Variants in ZNF518B observed in about 807,000 individuals in gnomAD.
ZNF518B encodes the protein zinc finger protein 518B.
Under a neutral mutation model 56.3 loss-of-function variants are expected in ZNF518B, and 23 were observed. The observed-to-expected ratio is 0.41, with a 90% CI of 0.29 to 0.58. The LOEUF (loss-of-function observed/expected upper bound fraction) is 0.58, where lower values mean the gene tolerates loss of function less well. Among genes scored for constraint, ZNF518B ranks in the 20% least tolerant of loss-of-function variants. The pLI is 0.32. For missense variants in ZNF518B, 1,460 were observed against 1,272.1 expected, an observed-to-expected ratio of 1.15 and a Z score of -2.25; for synonymous variants, 529 against 465.9, an observed-to-expected ratio of 1.14 and a Z score of -1.74.
rs930859543 is a variant in ZNF518B, at chr4:10,442,954, C to T, written c.*150G>A. On this transcript the variant is annotated 3_prime_UTR_variant, in exon 3 of 3. Transcript: ENST00000326756. ...GGGGTCCAATCACATACTTCAGGTT[C>T]AGACTCCTAGCTCCCAATATTCCTA... is the stretch of plus-strand genomic sequence containing the variant. The T allele has an allele frequency of 3.6e-5, 25 of 699,998 alleles. No individual in the cohort carries two copies. In the Middle Eastern group the frequency reaches 1.2e-3, roughly 34 times the overall value. 43.4% of individuals were successfully genotyped at this position (699,998 alleles called of 1,614,324 possible).
upstream of ZNF518B, among the ~76,000 whole-genome samples, chr4:10,461,283 G>A (rs1715733494): frequency 6.6e-6 from 1 of 152,256 alleles, no homozygotes. Flanking sequence ...GCCCTGCGGC[G>A]CAGGCCCACT....
chr4:10,443,976 C>G lies in ZNF518B; in HGVS notation c.2353G>C (p.Glu785Gln), dbSNP rs956359052. The part of the protein sequence containing the change: ...GAVLRVLNSS[E>Q]NAHIIEATCE... ...GTAGCCTCTATGATGTGGGCATTCT[C>G]AGAGGAATTAAGAACCCTCAACACA... is the stretch of plus-strand genomic sequence containing the variant. The change falls in exon 3 of 3, where the codon GAG becomes CAG. Residue 785 changes from glutamate (E) to glutamine (Q), a missense_variant. Transcript: ENST00000326756. The G allele has an allele frequency of 6.2e-7, 1 of 1,614,070 alleles. No homozygotes were observed. The highest frequency in any genetic ancestry group is 1.7e-5 in the Admixed American group (1 of 60,002).
Position 10,444,266 on chromosome 4 carries a change from T to G in ZNF518B, c.2063A>C (p.His688Pro), listed in dbSNP as rs1243615543. 1.9e-6 allele frequency: 3 copies of G among 1,614,092 alleles called. No individual in the cohort carries two copies. Among genetic ancestry groups the G allele is most frequent in the South Asian group, 2.2e-5 (2 of 91,084 alleles). ...KPSSLASNSA[H>P]RRSVGQASKG... Reference sequence around the variant, plus strand: ...TGATGCCTGCCCTACAGAGCGACGATGTGCACTATTTGAAGCCAAAGATGA... The same window carrying G: ...TGATGCCTGCCCTACAGAGCGACGAGGTGCACTATTTGAAGCCAAAGATGA... Residue 688 changes from histidine to proline, a missense_variant, in exon 3 of 3, where the codon CAT becomes CCT. By Grantham distance (77) the His-to-Pro change is moderately conservative. Coordinates refer to ENST00000326756, the MANE Select transcript of ZNF518B (RefSeq NM_053042.3).
Position 10,443,495 on chromosome 4 carries a change from A to C in ZNF518B, c.2834T>G (p.Val945Gly). ...CGAGTCCACATCAGGGTGGTTTAAC[A>C]CAATGACTGGCTGGTTCCGACGGGG... is the stretch of plus-strand genomic sequence containing the variant. ...KCPRRNQPVI[V>G]LNHPDVDSPE... Residue 945 changes from valine to glycine, a missense_variant, in exon 3 of 3, where the codon GTG becomes GGG. By Grantham distance (109) the Val-to-Gly change is moderately radical. Transcript: ENST00000326756. 1 of 1,614,038 alleles carries C rather than the reference A, an allele frequency of 6.2e-7. No individual in the cohort carries two copies. Among genetic ancestry groups the C allele is most frequent in the Non-Finnish European group, 8.5e-7 (1 of 1,179,842 alleles).
Position 10,443,588 on chromosome 4 carries a change from G to A in ZNF518B, c.2741C>T (p.Pro914Leu). 1 of 1,614,132 alleles carries A rather than the reference G, an allele frequency of 6.2e-7. No individual in the cohort carries two copies. The highest frequency in any genetic ancestry group is 1.1e-5 in the South Asian group (1 of 91,078). ...TTGCCTTGCAACCTGAAAAATTGAA[G>A]GATCCTTGAGACAGCGGCTAGGTTC... is the stretch of plus-strand genomic sequence containing the variant. Reference protein sequence around the residue: ...QAEPSRCLKDPSIFQVARQLR... With the variant: ...QAEPSRCLKDLSIFQVARQLR... The change falls in exon 3 of 3, where the codon CCT (proline) becomes CTT (leucine). Residue 914 changes from proline (P) to leucine (L), a missense_variant. Pro to Leu is a moderately conservative substitution (Grantham distance 98). Transcript: ENST00000326756.
In ZNF518B at chr4:10,443,838, C is replaced by T; in HGVS notation, c.2491G>A (p.Gly831Arg). 1 of 1,614,168 alleles carries T rather than the reference C, an allele frequency of 6.2e-7. No individual in the cohort carries two copies. Among genetic ancestry groups the T allele is most frequent in the African/African-American group, 1.3e-5 (1 of 75,036 alleles). ...SDLQPLRSER[G>R]PIDMSPNIET... is the part of the protein sequence containing the mutation. The stretch of plus-strand genomic sequence containing the variant: ...ATATTTGGGGACATATCTATTGGCC[C>T]CCTTTCACTTCTTAAAGGCTGTAAG... Residue 831 changes from glycine to arginine, a missense_variant, in exon 3 of 3, where the codon GGG becomes AGG. Coordinates refer to ENST00000326756, the MANE Select transcript of ZNF518B (RefSeq NM_053042.3).
chr4:10,446,306 A>C lies in ZNF518B; in HGVS notation c.23T>G (p.Leu8Arg). Residue 8 changes from leucine to arginine, a missense_variant, in exon 3 of 3, where the codon CTA becomes CGA. By Grantham distance (102) the Leu-to-Arg change is moderately radical. Transcript: ENST00000326756. ...TCCGCCGTTCAAGTGTGTAGTGTAT[A>C]GCTGCTGTCCAATATCCTTCATCTT... MKDIGQQ[L>R]YTTHLNGGHN... 6.2e-7 allele frequency: 1 copy of C among 1,613,164 alleles called. No homozygotes were observed. Among genetic ancestry groups the C allele is most frequent in the Non-Finnish European group, 8.5e-7 (1 of 1,179,174 alleles).
rs758322074 is a variant in ZNF518B at position 10,445,880 on chromosome 4, T to C, written c.449A>G (p.Tyr150Cys). Residue 150 changes from tyrosine to cysteine, a missense_variant, in exon 3 of 3, where the codon TAC becomes TGC. Tyr to Cys is a radical substitution (Grantham distance 194). Transcript: ENST00000326756. ...CTCGTGTTGAAGGGTGTGCTTTTTG[T>C]ACTGCAGCGGGTCCTTTGTAGAGAA... The part of the protein sequence containing the change: ...CRFSTKDPLQ[Y>C]KKHTLQHEEI... The C allele has an allele frequency of 1.2e-6, 2 of 1,614,278 alleles. No homozygotes were observed. The highest frequency in any genetic ancestry group is 1.7e-6 in the Non-Finnish European group (2 of 1,180,050).
At position 10,443,514 on chromosome 4, in the gene ZNF518B, G is replaced by T. The variant is rs1009875795; in HGVS notation, c.2815C>A (p.Arg939=). Residue 939 remains arginine (R), a synonymous_variant, in exon 3 of 3, where the codon CGG becomes AGG. Transcript: ENST00000326756. ...KPDQLIKCPR[R]NQPVIVLNHP... ...TTTAACACAATGACTGGCTGGTTCC[G>T]ACGGGGACACTTAATCAACTGATCT... The T allele has an allele frequency of 1.9e-6, 3 of 1,613,884 alleles. No individual in the cohort carries two copies. The highest frequency in any genetic ancestry group is 2.5e-6 in the Non-Finnish European group (3 of 1,179,774).
At position 10,444,966 on chromosome 4, in the gene ZNF518B, T is replaced by G; in HGVS notation, c.1363A>C (p.Ile455Leu). Residue 455 changes from isoleucine (I) to leucine (L), a missense_variant, in exon 3 of 3, where the codon ATT becomes CTT. Physicochemically the swap from Ile to Leu is conservative, Grantham distance 5. Coordinates refer to ENST00000326756, the MANE Select transcript of ZNF518B (RefSeq NM_053042.3). ...AAATCCTCAATTGTTTCCGAATTAA[T>G]GAAGGATTTTCCATTGTTGTGCACA... ...SSVHNNGKSF[I>L]NSETIEDFQK... 6.2e-7 allele frequency: 1 copy of G among 1,612,698 alleles called. No homozygotes were observed. The highest frequency in any genetic ancestry group is 1.3e-5 in the African/African-American group (1 of 74,892).
At chr4:10,449,898 G>C (rs1407586800) in intron 2 of ZNF518B, among the ~76,000 whole-genome samples, 1 of 152,178 alleles carries the variant, frequency 6.6e-6, no homozygotes, top group African/African-American at 2.4e-5. Flanking sequence ...CAGCCCCCAG[G>C]AGTCTTCAAA....
Position 10,444,700 on chromosome 4 carries a change from C to T in ZNF518B, c.1629G>A (p.Lys543=). Residue 543 remains lysine (K), a synonymous_variant, in exon 3 of 3, where the codon AAG becomes AAA. Transcript: ENST00000326756. ...CATTTTCACTTACAGGCAATAAGCC[C>T]TTTTCTCCAGAGAAGGAACAGGTTG... The part of the protein sequence containing the change: ...SPATCSFSGE[K]GLLPVSENDL... 1 of 1,614,126 alleles carries T rather than the reference C, an allele frequency of 6.2e-7. No homozygotes were observed. Among genetic ancestry groups the T allele is most frequent in the South Asian group, 1.1e-5 (1 of 91,078 alleles).
intron 2 of ZNF518B, among the ~76,000 whole-genome samples, chr4:10,449,317 C>G (rs1029535143): frequency 2.0e-5 from 3 of 152,140 alleles, no homozygotes; most frequent in Non-Finnish European, 4.4e-5. Context: ...CTTGTAAAGG[C>G]ACCCTAGGTA....
Position 10,445,612 on chromosome 4 carries a change from G to A in ZNF518B, c.717C>T (p.Asn239=). ...EPKRTGTSKQ[N]PELLKASNPR... is the part of the protein sequence containing the mutation. The stretch of plus-strand genomic sequence containing the variant: ...GATTGGAAGCTTTTAGAAGCTCTGG[G>A]TTTTGTTTTGAAGTTCCGGTTCTTT... The change falls in exon 3 of 3, where the codon AAC becomes AAT. Residue 239 remains asparagine (N), a synonymous_variant. Coordinates refer to ENST00000326756, the MANE Select transcript of ZNF518B (RefSeq NM_053042.3). 3.1e-6 allele frequency: 5 copies of A among 1,614,096 alleles called. No individual in the cohort carries two copies. The highest frequency in any genetic ancestry group is 2.2e-5 in the East Asian group (1 of 44,884).
At chr4:10,455,569 CG>C (rs984936138) in intron 1 of ZNF518B, among the ~76,000 whole-genome samples, 1 of 152,016 alleles carries the variant, frequency 6.6e-6, no homozygotes, top group Non-Finnish European at 1.5e-5. Flanking sequence ...AAACTGGCCC[CG>C]ATGCCCTTAC....
Position 10,445,643 on chromosome 4 carries a change from T to C in ZNF518B, c.686A>G (p.Glu229Gly), listed in dbSNP as rs1311066884. ...KRPVKAVAKL[E>G]PKRTGTSKQN... ...TTTTGAAGTTCCGGTTCTTTTTGGC[T>C]CCAGCTTGGCAACAGCTTTGACTGG... Residue 229 changes from glutamate to glycine, a missense_variant, in exon 3 of 3, where the codon GAG (glutamate) becomes GGG (glycine). Glu to Gly is a moderately conservative substitution (Grantham distance 98). Transcript: ENST00000326756. The C allele has an allele frequency of 6.2e-7, 1 of 1,614,184 alleles. No homozygotes were observed. The highest frequency in any genetic ancestry group is 8.5e-7 in the Non-Finnish European group (1 of 1,180,024).
At position 10,445,554 on chromosome 4, in the gene ZNF518B, G is replaced by T. The variant is rs143656705; in HGVS notation, c.775C>A (p.Gln259Lys). 9.9e-6 allele frequency: 16 copies of T among 1,613,998 alleles called. No individual in the cohort carries two copies. Among genetic ancestry groups the T allele is most frequent in the Non-Finnish European group, 1.4e-5 (16 of 1,180,034 alleles). Residue 259 changes from glutamine to lysine, a missense_variant, in exon 3 of 3, where the codon CAA becomes AAA. Physicochemically the swap from Gln to Lys is moderately conservative, Grantham distance 53. Transcript: ENST00000326756. ...GCATGGAGAGAGAAACCTGACAGTTGGTCTGACCACTTATTTTGAAATGTA... is the reference window on the plus strand; with the variant it reads ...GCATGGAGAGAGAAACCTGACAGTTTGTCTGACCACTTATTTTGAAATGTA... Reference protein sequence around the residue: ...RTTFQNKWSDQLSGFSLHANK... With the variant: ...RTTFQNKWSDKLSGFSLHANK...
In ZNF518B at chr4:10,441,248, A is replaced by G. The variant is rs1281087821; in HGVS notation, c.*1856T>C. 1 of 152,610 alleles carries G rather than the reference A, an allele frequency of 6.6e-6. No individual in the cohort carries two copies. The highest frequency in any genetic ancestry group is 1.5e-5 in the Non-Finnish European group (1 of 68,042). The allele number at this position is 152,610 out of a possible 1,614,324, so 9.5% of individuals were successfully genotyped here. ...GAAAATTAGCTACTGCAATTTTCAT[A>G]TGGTAAAAAATATTTTTATGTGTAC... On this transcript the variant is annotated 3_prime_UTR_variant, in exon 3 of 3. Coordinates refer to ENST00000326756, the MANE Select transcript of ZNF518B (RefSeq NM_053042.3).
rs374661142 is a variant in ZNF518B, at chr4:10,444,642, C to G, written c.1687G>C (p.Val563Leu). The G allele has an allele frequency of 6.2e-7, 1 of 1,614,080 alleles. No individual in the cohort carries two copies. Among genetic ancestry groups the G allele is most frequent in the Non-Finnish European group, 8.5e-7 (1 of 1,180,042 alleles). The part of the protein sequence containing the change: ...LESTSKVNIP[V>L]KVVSSNRKQE... ...TTCCTATTAGAGGAAACCACTTTTA[C>G]AGGAATATTGACTTTACTTGTAGAT... is the stretch of plus-strand genomic sequence containing the variant. Residue 563 changes from valine to leucine, a missense_variant, in exon 3 of 3, where the codon GTA (valine) becomes CTA (leucine). Transcript: ENST00000326756.
Sources: gnomAD v4.1 joint callset for allele counts (sites outside exome capture counted in the v4.1 genomes callset) on GRCh38, gnomAD v4.1.1 for gene constraint, MANE v1.5 for transcripts, NCBI Gene and HGNC (gene_info 2026-07-23, HGNC 2026-07-21) for gene names.